RO60: variants seen among roughly 807,000 people sequenced by gnomAD.
RO60 encodes the protein Ro60, Y RNA binding protein.
RO60 carries 20 observed loss-of-function variants against 55.3 expected under a neutral mutation model. The ratio of observed to expected loss-of-function variants is 0.36; its 90% CI spans 0.25 to 0.53. RO60 has a LOEUF of 0.53. Ranked by LOEUF, RO60 falls within the 20% of genes least tolerant of loss-of-function variation. RO60 has a pLI of 0.92. For missense variants in RO60, 558 were observed against 646.6 expected, an observed-to-expected ratio of 0.86 and a Z score of 1.49; for synonymous variants, 213 against 213.6, an observed-to-expected ratio of 1.00 and a Z score of 0.02.
intron 1 of RO60, among the ~76,000 whole-genome samples, chr1:193,067,365 T>C (rs1181217603): frequency 3.3e-5 from 5 of 151,976 alleles, no homozygotes; most frequent in African/African-American, 1.2e-4. Context: ...ATTTTTTGTA[T>C]TTTTAGTAGA....
At chr1:193,072,812 C>G (rs1673614740) in intron 2 of RO60, among the ~76,000 whole-genome samples, 1 of 152,120 alleles carries the variant, frequency 6.6e-6, no homozygotes, top group African/African-American at 2.4e-5. Context: ...TGTGCTTTGT[C>G]TTTTTGGTCT....
Position 193,086,632 on chromosome 1 carries a change from TTAAATAGAA to T in RO60, c.*1904_*1912del, listed in dbSNP as rs1245952332. ...GATCATTTTATTCCTAATAGAAATG[TTAAATAGAA>T]TATAGTACAAAAGTGCATTACCTTC... is the stretch of plus-strand genomic sequence containing the variant. On this transcript the variant is annotated 3_prime_UTR_variant, in exon 9 of 9. Coordinates refer to ENST00000400968, the MANE Select transcript of RO60 (RefSeq NM_001173524.2). 6.6e-6 allele frequency: 1 copy of T among 152,028 alleles called. No individual in the cohort carries two copies. The highest frequency in any genetic ancestry group is 2.4e-5 in the African/African-American group (1 of 41,390). 9.4% of individuals were successfully genotyped at this position (152,028 alleles called of 1,614,324 possible).
intron 1 of RO60, chr1:193,060,120 C>T (rs1385333086): frequency 8.3e-7 from 1 of 1,204,162 alleles, no homozygotes; most frequent in Non-Finnish European, 1.1e-6. Context: ...CCCGCGGCTT[C>T]TGCGCGGAGA....
intron 1 of RO60, among the ~76,000 whole-genome samples, chr1:193,063,640 T>G (rs1672927379): frequency 6.6e-6 from 1 of 152,230 alleles, no homozygotes; most frequent in Non-Finnish European, 1.5e-5. Context: ...TAGCATCAGC[T>G]GGGTGTCCCC....
rs529075136 is a variant in RO60 at position 193,082,231 on chromosome 1, G to A, written c.1249G>A (p.Asp417Asn). The change falls in exon 7 of 9, where the codon GAT becomes AAT. Residue 417 changes from aspartate (D) to asparagine (N), a missense_variant. Physicochemically the swap from Asp to Asn is conservative, Grantham distance 23. Transcript: ENST00000400968. ...EKDSYVVAFS[D>N]EMVPCPVTTD... ...AGATTCTTATGTAGTTGCTTTTTCC[G>A]ATGAAATGGTACCATGTCCAGTGAC... 88 of 1,613,214 alleles carry A rather than the reference G, an allele frequency of 5.5e-5. 1 individual carries two copies. The South Asian group carries it at 6.4e-4, about 12-fold the overall frequency.
chr1:193,078,623 T>C (rs1276755419), intron 5 of RO60, among the ~76,000 whole-genome samples: 2 of 152,086 alleles, frequency 1.3e-5, no homozygotes, highest in African/African-American at 4.8e-5. Context: ...AGAAAACATT[T>C]CCATTTACAA....
chr1:193,067,464 C>T (rs1213789158), intron 1 of RO60, among the ~76,000 whole-genome samples: 2 of 151,862 alleles, frequency 1.3e-5, no homozygotes, highest in African/African-American at 2.4e-5. Flanking sequence ...GGATTACAGG[C>T]GTGAGCCACT....
At chr1:193,071,017 A>G (rs1204550543) in intron 2 of RO60, among the ~76,000 whole-genome samples, 1 of 152,190 alleles carries the variant, frequency 6.6e-6, no homozygotes, top group African/African-American at 2.4e-5. Flanking sequence ...TGTGGAAGAC[A>G]GTTTTTCCGC....
chr1:193,077,037 A>G lies in RO60; in HGVS notation c.1073A>G (p.Tyr358Cys), dbSNP rs950303642. The change falls in exon 5 of 9, where the codon TAT (tyrosine) becomes TGT (cysteine). Residue 358 changes from tyrosine (Y) to cysteine (C), a missense_variant. Transcript: ENST00000400968. ...EILKALDAAF[Y>C]KTFKTVEPTG... is the part of the protein sequence containing the mutation. ...TTGAAAGCATTGGATGCTGCTTTTT[A>G]TAAAACATTTAAGGTAGTGATATGA... The G allele has an allele frequency of 6.2e-7, 1 of 1,610,322 alleles. No homozygotes were observed. The highest frequency in any genetic ancestry group is 1.3e-5 in the African/African-American group (1 of 74,856).
rs930837994 is a variant in RO60 at position 193,076,925 on chromosome 1, C to G, written c.961C>G (p.Pro321Ala). ...EKLLKKARIH[P>A]FHILIALETY... The stretch of plus-strand genomic sequence containing the variant: ...ACTTTGTTTCTAGGCTCGTATACAT[C>G]CATTTCATATTTTGATCGCATTAGA... Residue 321 changes from proline (P) to alanine (A), a missense_variant, in exon 5 of 9, where the codon CCA (proline) becomes GCA (alanine). Coordinates refer to ENST00000400968, the MANE Select transcript of RO60 (RefSeq NM_001173524.2). 2 of 1,611,216 alleles carry G rather than the reference C, an allele frequency of 1.2e-6. No homozygotes were observed. Among genetic ancestry groups the G allele is most frequent in the African/African-American group, 2.7e-5 (2 of 74,834 alleles).
rs56152513 is a variant in RO60 at position 193,085,217 on chromosome 1, A to T, written c.*486A>T. 1.3e-6 allele frequency: 1 copy of T among 760,852 alleles called. No homozygotes were observed. The highest frequency in any genetic ancestry group is 1.7e-6 in the Non-Finnish European group (1 of 600,542). 47.1% of individuals were successfully genotyped at this position (760,852 alleles called of 1,614,324 possible). ...CTGTAAACTTTTATACCAAGGGGGT[A>T]AAAAAAAAAACTAAGGCATTTGATT... On this transcript the variant is annotated 3_prime_UTR_variant, in exon 9 of 9. Transcript: ENST00000400968.
rs1413374763 is a variant in RO60, at chr1:193,090,996, A to G, written c.*6265A>G. The G allele has an allele frequency of 6.6e-6, 1 of 152,234 alleles. No homozygotes were observed. Among genetic ancestry groups the G allele is most frequent in the African/African-American group, 2.4e-5 (1 of 41,464 alleles). The allele number at this position is 152,234 out of a possible 1,614,324, so 9.4% of individuals were successfully genotyped here. On this transcript the variant is annotated 3_prime_UTR_variant, in exon 9 of 9. Coordinates refer to ENST00000400968, the MANE Select transcript of RO60 (RefSeq NM_001173524.2). ...AGATACAGTGATGTGTTATACATAC[A>G]TGACTGTTAACATCAGTAATATTTT... is the stretch of plus-strand genomic sequence containing the variant.
chr1:193,066,067 A>G (rs1297411504), intron 1 of RO60, among the ~76,000 whole-genome samples: 2 of 152,136 alleles, frequency 1.3e-5, no homozygotes, highest in African/African-American at 4.8e-5. Flanking sequence ...GAATGTCTTC[A>G]GTTTCCTTAT....
At chr1:193,079,179 C>T (rs1012379685) in intron 5 of RO60, among the ~76,000 whole-genome samples, 1 of 151,160 alleles carries the variant, frequency 6.6e-6, no homozygotes, top group Non-Finnish European at 1.5e-5. Context: ...CCTCCGCCTC[C>T]TGGGTTCAAG....
rs1428690359 is a variant in RO60, at chr1:193,086,377, A to G, written c.*1646A>G. 3 of 152,016 alleles carry G rather than the reference A, an allele frequency of 2.0e-5. No individual in the cohort carries two copies. Among genetic ancestry groups the G allele is most frequent in the Non-Finnish European group, 4.4e-5 (3 of 67,974 alleles). 9.4% of individuals were successfully genotyped at this position (152,016 alleles called of 1,614,324 possible). Reference sequence around the variant, plus strand: ...TTTTTAAGTGTGATTTACCTGAGATATTTTTGTTCAGCAAAGCTCATAGCA... The same window carrying G: ...TTTTTAAGTGTGATTTACCTGAGATGTTTTTGTTCAGCAAAGCTCATAGCA... On this transcript the variant is annotated 3_prime_UTR_variant, in exon 9 of 9. Coordinates refer to ENST00000400968, the MANE Select transcript of RO60 (RefSeq NM_001173524.2).
At chr1:193,078,553 C>G (rs1674081048) in intron 5 of RO60, among the ~76,000 whole-genome samples, 1 of 152,002 alleles carries the variant, frequency 6.6e-6, no homozygotes, top group Non-Finnish European at 1.5e-5. Context: ...ATAAAACCAA[C>G]ACATAAAAAT....
intron 5 of RO60, 76 bp downstream of exon 5, chr1:193,077,126 G>A: frequency 7.4e-7 from 1 of 1,343,838 alleles, no homozygotes; most frequent in Admixed American, 2.6e-5. Flanking sequence ...TTTAAAGGTA[G>A]TATTAATAGT....
intron 1 of RO60, chr1:193,060,284 T>C (rs554324583): frequency 1.4e-5 from 5 of 351,814 alleles, no homozygotes; most frequent in African/African-American, 1.1e-4. Flanking sequence ...GAAAATTAGG[T>C]TGAAAACAAA....
At chr1:193,082,524 T>G (rs760667767) in intron 7 of RO60, 38 bp from the exon 8 acceptor site, 1 of 1,605,014 alleles carries the variant, frequency 6.2e-7, no homozygotes, top group African/African-American at 1.3e-5. Context: ...TTTTAAGGAT[T>G]TATTTACTTA....
Sources: allele counts gnomAD v4.1 joint callset (sites outside exome capture counted in the v4.1 genomes callset), GRCh38; gene constraint gnomAD v4.1.1; transcripts MANE v1.5; gene names NCBI Gene and HGNC (gene_info 2026-07-23, HGNC 2026-07-21).